Variants in SAMD12 observed in about 807,000 individuals in gnomAD.
SAMD12 encodes sterile alpha motif domain-containing protein 12.
SAMD12 carries 9 observed loss-of-function variants against 15.0 expected under a neutral mutation model. That is an observed-to-expected ratio of 0.60 (90% CI 0.36 to 1.05). The LOEUF is 1.05. Ranked by LOEUF, SAMD12 falls within the 50% of genes least tolerant of loss-of-function variation. The pLI is 0.01. For missense variants in SAMD12, 230 were observed against 234.2 expected (o/e 0.98, Z 0.12); for synonymous variants, 86 against 90.1 (o/e 0.96, Z 0.25).
chr8:118,401,454 T>G (rs1820865061), intron 3 of SAMD12, among the ~76,000 whole-genome samples: 1 of 152,118 alleles, frequency 6.6e-6, no homozygotes, highest in Non-Finnish European at 1.5e-5. Context: ...CATTGTAGCC[T>G]TGAACTCCTA....
At chr8:118,255,804 G>A (rs895931061) in intron 4 of SAMD12, among the ~76,000 whole-genome samples, 9 of 152,038 alleles carry the variant, frequency 5.9e-5, no homozygotes, top group Middle Eastern at 3.4e-3. Flanking sequence ...GAATAGTGCC[G>A]CAATAAACAT....
chr8:118,202,505 C>G (rs943284728), intron 4 of SAMD12, among the ~76,000 whole-genome samples: 5 of 152,096 alleles, frequency 3.3e-5, no homozygotes, highest in Non-Finnish European at 7.4e-5. Context: ...AGTGACTGGC[C>G]CAGGAGGCAG....
intron 4 of SAMD12, among the ~76,000 whole-genome samples, chr8:118,223,170 A>G (rs754568479): frequency 7.2e-5 from 11 of 152,226 alleles, no homozygotes; most frequent in Non-Finnish European, 1.3e-4. Flanking sequence ...GCTCAAATAA[A>G]TATCTTCTCT....
chr8:118,223,402 T>C (rs1240677383), intron 4 of SAMD12, among the ~76,000 whole-genome samples: 2 of 152,216 alleles, frequency 1.3e-5, no homozygotes, highest in Non-Finnish European at 2.9e-5. Flanking sequence ...AGACACTGAC[T>C]CACTGAGCAA....
chr8:118,417,779 A>G (rs1440501896), intron 3 of SAMD12, among the ~76,000 whole-genome samples: 2 of 152,258 alleles, frequency 1.3e-5, no homozygotes, highest in Non-Finnish European at 2.9e-5. Context: ...ACAAAATTAG[A>G]TAAATTACTG....
chr8:118,527,236 C>G, intron 2 of SAMD12, among the ~76,000 whole-genome samples: 1 of 152,218 alleles, frequency 6.6e-6, no homozygotes, highest in African/African-American at 2.4e-5. Context: ...CTCCTCAGAG[C>G]TGCCAAAGCT....
At chr8:118,401,291 C>T (rs1036664472) in intron 3 of SAMD12, among the ~76,000 whole-genome samples, 1 of 152,150 alleles carries the variant, frequency 6.6e-6, no homozygotes, top group Non-Finnish European at 1.5e-5. Flanking sequence ...TATAACATTT[C>T]AGATTTTCTT....
chr8:118,148,739 C>T, the SAMD12 span, among the ~76,000 whole-genome samples: 3 of 152,178 alleles, frequency 2.0e-5, no homozygotes, highest in South Asian at 6.2e-4. Flanking sequence ...TTCTTTCTAA[C>T]AGATTTGCCT....
intron 2 of SAMD12, among the ~76,000 whole-genome samples, chr8:118,445,909 A>T (rs1822897878): frequency 6.6e-6 from 1 of 152,128 alleles, no homozygotes; most frequent in Admixed American, 6.5e-5. Context: ...TTCATTTCCT[A>T]GTCTTCTTTA....
At chr8:118,503,961 T>C (rs1824855255) in intron 2 of SAMD12, among the ~76,000 whole-genome samples, 1 of 152,184 alleles carries the variant, frequency 6.6e-6, no homozygotes, top group African/African-American at 2.4e-5. Context: ...TTTTGGGGTA[T>C]CTCAAAGGCT....
At chr8:118,328,348 C>G (rs534088426) in intron 4 of SAMD12, among the ~76,000 whole-genome samples, 1 of 152,226 alleles carries the variant, frequency 6.6e-6, no homozygotes, top group Non-Finnish European at 1.5e-5. Context: ...ATTCTCCCTG[C>G]TTCTCTGCTT....
Position 118,439,980 on chromosome 8 carries a change from G to T in SAMD12, c.193-19C>A. On this transcript the variant is annotated intron_variant, in intron 2 of 3. Coordinates refer to ENST00000314727, the MANE Select transcript of SAMD12 (RefSeq NM_207506.3). ...TAGCTGACTATAAATAAAGAAGGAA[G>T]ATCTGTCAATGCTGGCCCCATGCCT... The T allele has an allele frequency of 6.2e-7, 1 of 1,612,966 alleles. No individual in the cohort carries two copies.
At chr8:118,172,940 T>G in the SAMD12 span, among the ~76,000 whole-genome samples, 1 of 152,194 alleles carries the variant, frequency 6.6e-6, no homozygotes, top group African/African-American at 2.4e-5. Flanking sequence ...AGAATTCTAC[T>G]CTCTGCTTCT....
chr8:118,412,992 T>C (rs1386740636), intron 3 of SAMD12, among the ~76,000 whole-genome samples: 1 of 152,068 alleles, frequency 6.6e-6, no homozygotes, highest in African/African-American at 2.4e-5. Flanking sequence ...GGGATTCTCT[T>C]CTCTGGCACC....
intron 2 of SAMD12, among the ~76,000 whole-genome samples, chr8:118,528,035 T>A (rs944047867): frequency 6.4e-5 from 7 of 110,014 alleles, no homozygotes; most frequent in East Asian, 4.6e-4. Context: ...ATATATATAT[T>A]TTTTTTCCTG....
chr8:118,321,517 G>A (rs1816284218), intron 4 of SAMD12, among the ~76,000 whole-genome samples: 1 of 152,018 alleles, frequency 6.6e-6, no homozygotes, highest in African/African-American at 2.4e-5. Context: ...GGGAGGCTGA[G>A]GCAGGAGAAT....
At chr8:118,403,510 TA>T (rs201366783) in intron 3 of SAMD12, among the ~76,000 whole-genome samples, 1 of 151,732 alleles carries the variant, frequency 6.6e-6, no homozygotes, top group Non-Finnish European at 1.5e-5. Flanking sequence ...GTTTCTAAAA[TA>T]AAAAAAATTA....
chr8:118,211,533 C>G (rs529226868), intron 4 of SAMD12, among the ~76,000 whole-genome samples: 2 of 152,328 alleles, frequency 1.3e-5, no homozygotes, highest in Admixed American at 1.3e-4. Context: ...TAATGTCCTG[C>G]TTTAAAATAA....
chr8:118,330,499 C>T (rs552812302), intron 4 of SAMD12, among the ~76,000 whole-genome samples: 1 of 152,160 alleles, frequency 6.6e-6, no homozygotes, highest in African/African-American at 2.4e-5. Flanking sequence ...TTCCTCAACA[C>T]AAAAGGAGGA....
Sources: allele counts gnomAD v4.1 joint callset (sites outside exome capture counted in the v4.1 genomes callset), GRCh38; gene constraint gnomAD v4.1.1; transcripts MANE v1.5; gene names NCBI Gene and HGNC (gene_info 2026-07-23, HGNC 2026-07-21).